Variants in ERBIN observed in about 807,000 individuals in gnomAD.
The protein encoded by ERBIN is densin-180-like protein.
A neutral mutation model predicts 158.4 loss-of-function variants in ERBIN; 60 were observed. The observed-to-expected ratio is 0.38, with a 90% confidence interval of 0.31 to 0.47. The LOEUF (loss-of-function observed/expected upper bound fraction) is 0.47, where lower values mean the gene tolerates loss of function less well. Among genes scored for constraint, ERBIN ranks in the 20% least tolerant of loss-of-function variants. The probability of loss-of-function intolerance (pLI) is 0.99; values close to 1 mark genes in which losing one functional copy is unlikely to be tolerated. For missense variants in ERBIN, 1,610 were observed against 1,648.0 expected, an observed-to-expected ratio of 0.98 and a Z score of 0.40; for synonymous variants, 594 against 557.2, an observed-to-expected ratio of 1.07 and a Z score of -0.93.
At chr5:66,000,734 G>A (rs2151073295) in intron 4 of ERBIN, among the ~76,000 whole-genome samples, 1 of 152,106 alleles carries the variant, frequency 6.6e-6, no homozygotes, top group Non-Finnish European at 1.5e-5. Flanking sequence ...CATTTTACTT[G>A]TTACTTGTAT....
intron 15 of ERBIN, among the ~76,000 whole-genome samples, chr5:66,039,672 A>T (rs1419043451): frequency 6.6e-6 from 1 of 151,984 alleles, no homozygotes; most frequent in African/African-American, 2.4e-5. Context: ...ATCACTATTG[A>T]CAGCTTAATA....
chr5:66,059,930 T>A (rs1355436855), intron 21 of ERBIN, among the ~76,000 whole-genome samples: 1 of 152,250 alleles, frequency 6.6e-6, no homozygotes, highest in Non-Finnish European at 1.5e-5. Context: ...TGTTGCTGGA[T>A]TCAGTTTGCC....
At chr5:66,047,757 C>G (rs1185095845) in intron 18 of ERBIN, among the ~76,000 whole-genome samples, 1 of 151,970 alleles carries the variant, frequency 6.6e-6, no homozygotes, top group Non-Finnish European at 1.5e-5. Context: ...TAATATCACT[C>G]AATACGCTAT....
At chr5:66,053,354 A>C (rs1008780636) in intron 20 of ERBIN, 52 bp from the exon 21 acceptor site, 20 of 1,116,306 alleles carry the variant, frequency 1.8e-5, no homozygotes, top group Non-Finnish European at 2.2e-5. Flanking sequence ...GTTCCCTGTT[A>C]CTAAGAAAAC....
intron 1 of ERBIN, among the ~76,000 whole-genome samples, chr5:65,945,553 A>G (rs1431289672): frequency 6.6e-6 from 1 of 152,246 alleles, no homozygotes; most frequent in East Asian, 1.9e-4. Context: ...CAAACACTGC[A>G]CCCTTTTCCT....
intron 13 of ERBIN, among the ~76,000 whole-genome samples, chr5:66,027,658 T>G (rs1423608155): frequency 6.6e-6 from 1 of 152,028 alleles, no homozygotes; most frequent in African/African-American, 2.4e-5. Context: ...ATTTAAAATA[T>G]ATGGGGGGAT....
chr5:66,043,350 C>G, intron 16 of ERBIN, 152 bp downstream of exon 16: 2 of 711,468 alleles, frequency 2.8e-6, no homozygotes. Context: ...CCAAATATTT[C>G]AGACATGAAA....
chr5:65,977,674 T>C (rs921662362), intron 1 of ERBIN, among the ~76,000 whole-genome samples: 44 of 125,490 alleles, frequency 3.5e-4, no homozygotes, highest in African/African-American at 1.3e-3. Flanking sequence ...CTTTCCAGAC[T>C]GGGCAGCCAG....
At chr5:66,055,053 T>A in intron 21 of ERBIN, 102 bp downstream of exon 21, 1 of 1,432,324 alleles carries the variant, frequency 7.0e-7, no homozygotes, top group South Asian at 1.6e-5. Context: ...TCTCTTTATA[T>A]TCTAGGTGTT....
intron 1 of ERBIN, among the ~76,000 whole-genome samples, chr5:65,977,480 C>T (rs1308723264): frequency 9.6e-5 from 14 of 145,090 alleles, no homozygotes; most frequent in Non-Finnish European, 1.7e-4. Context: ...ACTTCTCAGA[C>T]GGGGCGGCCG....
chr5:66,031,934 C>T (rs940635868), intron 14 of ERBIN, among the ~76,000 whole-genome samples: 2 of 151,944 alleles, frequency 1.3e-5, no homozygotes, highest in South Asian at 2.1e-4. Flanking sequence ...CTCAAACTTC[C>T]AGTCTCAAGT....
In ERBIN at chr5:66,079,802, A is replaced by C. The variant is rs1212222117; in HGVS notation, c.*1272A>C. On this transcript the variant is annotated 3_prime_UTR_variant, in exon 26 of 26. Transcript: ENST00000284037. ...GGGTTTCTATGTGTATCAGTGTAAT[A>C]GTGTTTTACCACCAACTGCCTTTCT... 6.6e-6 allele frequency: 1 copy of C among 152,522 alleles called. No individual in the cohort carries two copies. Among genetic ancestry groups the C allele is most frequent in the Non-Finnish European group, 1.5e-5 (1 of 68,016 alleles). The allele number at this position is 152,522 out of a possible 1,614,324, so 9.4% of individuals were successfully genotyped here.
At chr5:65,982,627 A>G (rs991073140) in intron 1 of ERBIN, among the ~76,000 whole-genome samples, 2 of 151,984 alleles carry the variant, frequency 1.3e-5, no homozygotes, top group Admixed American at 6.6e-5. Context: ...TTGTAATTAG[A>G]AAAATGCAAA....
In ERBIN at chr5:65,934,753, A is replaced by G. The variant is rs771711826; in HGVS notation, c.-58+7947A>G. ...ATTTTGCGGTAGGTGCTTTGAAACT[A>G]TGTAAATATTTTGTTTTGTTTGTCA... On this transcript the variant is annotated intron_variant, in intron 1 of 25. Transcript: ENST00000284037. Among the ~76,000 whole-genome samples, 3 of 152,316 alleles carry G rather than the reference A, an allele frequency of 2.0e-5. 1 individual carries two copies. The highest frequency in any genetic ancestry group is 3.4e-3 in the Middle Eastern group (1 of 294).
intron 21 of ERBIN, among the ~76,000 whole-genome samples, chr5:66,067,302 C>T (rs1014315714): frequency 2.6e-5 from 4 of 152,120 alleles, no homozygotes; most frequent in African/African-American, 9.7e-5. Flanking sequence ...TATTTCTTGG[C>T]ATTAGACGTC....
intron 8 of ERBIN, 138 bp downstream of exon 8, chr5:66,021,523 C>A: frequency 1.9e-6 from 1 of 535,896 alleles, no homozygotes; most frequent in Non-Finnish European, 3.2e-6. Context: ...AATTTCTTAG[C>A]CAGAACTTTC....
chr5:66,035,720 T>C (rs1757330969), intron 14 of ERBIN, among the ~76,000 whole-genome samples: 1 of 152,234 alleles, frequency 6.6e-6, no homozygotes, highest in Admixed American at 6.5e-5. Context: ...GTTAAAATGA[T>C]ATTTTGAATA....
intron 1 of ERBIN, among the ~76,000 whole-genome samples, chr5:65,977,377 G>A (rs1262633515): frequency 1.6e-3 from 236 of 149,430 alleles, no homozygotes; most frequent in African/African-American, 5.6e-3. Flanking sequence ...GCTGCTGGGC[G>A]GAGGGGCTCC....
At chr5:66,067,088 T>A (rs1761071242) in intron 21 of ERBIN, among the ~76,000 whole-genome samples, 1 of 152,158 alleles carries the variant, frequency 6.6e-6, no homozygotes, top group Non-Finnish European at 1.5e-5. Context: ...GTATGAATGA[T>A]TTCTTTGTTT....
Sources: allele counts gnomAD v4.1 joint callset (sites outside exome capture counted in the v4.1 genomes callset), GRCh38; gene constraint gnomAD v4.1.1; transcripts MANE v1.5; gene names NCBI Gene and HGNC (gene_info 2026-07-23, HGNC 2026-07-21).